The following HS6ST3 variants were observed in gnomAD, a reference collection of about 807,000 sequenced individuals.
HS6ST3 encodes the protein heparan-sulfate 6-O-sulfotransferase 3.
A neutral mutation model predicts 36.7 loss-of-function variants in HS6ST3; 12 were observed. The ratio of observed to expected loss-of-function variants is 0.33; its 90% CI spans 0.21 to 0.53. The LOEUF is 0.53. HS6ST3 is among the 20% of genes least tolerant of loss of function. HS6ST3 has a pLI of 0.95. For synonymous variants in HS6ST3, 240 were observed against 257.5 expected, an observed-to-expected ratio of 0.93 and a Z score of 0.65; for missense variants, 584 against 640.9, an observed-to-expected ratio of 0.91 and a Z score of 0.96.
chr13:96,284,589 C>T (rs543587790), intron 1 of HS6ST3, among the ~76,000 whole-genome samples: 3 of 152,278 alleles, frequency 2.0e-5, no homozygotes, highest in African/African-American at 7.2e-5. Flanking sequence ...CTGCCTTTCC[C>T]TGTCCACTGA....
chr13:96,623,588 G>A (rs1265157323), intron 1 of HS6ST3, among the ~76,000 whole-genome samples: 3 of 151,934 alleles, frequency 2.0e-5, no homozygotes, highest in Non-Finnish European at 4.4e-5. Context: ...AACCTAGGAG[G>A]TATTCAGCCC....
chr13:96,091,239 G>T lies in HS6ST3; in HGVS notation c.377G>T (p.Arg126Leu). Residue 126 changes from arginine (R) to leucine (L), a missense_variant, in exon 1 of 2, where the codon CGC becomes CTC. Coordinates refer to ENST00000376705, the MANE Select transcript of HS6ST3 (RefSeq NM_153456.4). ...GGCTCCCTGCCCCGATTCGTGCCGC[G>T]CTTCAACTTCAGCCTGAAGGACCTG... ...ENGSLPRFVP[R>L]FNFSLKDLTR... 1.9e-6 allele frequency: 3 copies of T among 1,596,848 alleles called. No homozygotes were observed. Among genetic ancestry groups the T allele is most frequent in the Non-Finnish European group, 2.6e-6 (3 of 1,171,548 alleles).
At chr13:96,632,357 C>T (rs1198734555) in intron 1 of HS6ST3, among the ~76,000 whole-genome samples, 3 of 151,646 alleles carry the variant, frequency 2.0e-5, no homozygotes, top group African/African-American at 7.3e-5. Context: ...TTTTCTGACC[C>T]ATTCTAGGGC....
intron 1 of HS6ST3, among the ~76,000 whole-genome samples, chr13:96,446,585 G>A (rs937959749): frequency 6.6e-5 from 10 of 152,174 alleles, no homozygotes; most frequent in African/African-American, 1.9e-4. Flanking sequence ...CTTGAACTGG[G>A]TGTCGCTATT....
intron 1 of HS6ST3, among the ~76,000 whole-genome samples, chr13:96,657,481 A>G (rs1037077180): frequency 7.9e-5 from 12 of 152,126 alleles, no homozygotes; most frequent in African/African-American, 2.9e-4. Flanking sequence ...AGATCATTTC[A>G]CTACACTCCA....
At chr13:96,453,420 G>A (rs957772517) in intron 1 of HS6ST3, among the ~76,000 whole-genome samples, 1 of 152,076 alleles carries the variant, frequency 6.6e-6, no homozygotes, top group Non-Finnish European at 1.5e-5. Flanking sequence ...CTATAAAAAA[G>A]GAAGATACTA....
At chr13:96,495,161 T>C (rs2055968715) in intron 1 of HS6ST3, among the ~76,000 whole-genome samples, 1 of 152,188 alleles carries the variant, frequency 6.6e-6, no homozygotes, top group Admixed American at 6.5e-5. Flanking sequence ...ACACAGCCCG[T>C]TTATAACACC....
At chr13:96,661,790 T>C (rs886380479) in intron 1 of HS6ST3, among the ~76,000 whole-genome samples, 1 of 152,188 alleles carries the variant, frequency 6.6e-6, no homozygotes, top group Non-Finnish European at 1.5e-5. Flanking sequence ...TCCGGTCTAT[T>C]GGTGATGAAT....
chr13:96,639,362 G>C (rs2056562052), intron 1 of HS6ST3, among the ~76,000 whole-genome samples: 1 of 151,660 alleles, frequency 6.6e-6, no homozygotes, highest in Non-Finnish European at 1.5e-5. Flanking sequence ...TTCTATTTTT[G>C]TTACTGTTTG....
intron 1 of HS6ST3, among the ~76,000 whole-genome samples, chr13:96,538,415 A>G (rs988426213): frequency 2.6e-5 from 4 of 152,346 alleles, no homozygotes; most frequent in African/African-American, 9.6e-5. Flanking sequence ...ATTATGATAT[A>G]TCCCAGTGAA....
At chr13:96,504,123 T>C (rs1037320415) in intron 1 of HS6ST3, among the ~76,000 whole-genome samples, 16 of 152,186 alleles carry the variant, frequency 1.1e-4, no homozygotes, top group Non-Finnish European at 2.1e-4. Flanking sequence ...TATACATTTT[T>C]TCAGGGACAC....
intron 1 of HS6ST3, among the ~76,000 whole-genome samples, chr13:96,783,167 G>A (rs1877566326): frequency 6.6e-6 from 1 of 152,164 alleles, no homozygotes; most frequent in African/African-American, 2.4e-5. Context: ...TATGGAACTG[G>A]CTGAACCCTG....
At chr13:96,150,233 T>C (rs1340101827) in intron 1 of HS6ST3, among the ~76,000 whole-genome samples, 1 of 152,064 alleles carries the variant, frequency 6.6e-6, no homozygotes, top group Non-Finnish European at 1.5e-5. Flanking sequence ...GTCTGGACTT[T>C]TTATGGGCTT....
rs1419422561 is a variant in HS6ST3 at position 96,836,062 on chromosome 13, T to TC, written c.*2866dup. On this transcript the variant is annotated 3_prime_UTR_variant, in exon 2 of 2. Coordinates refer to ENST00000376705, the MANE Select transcript of HS6ST3 (RefSeq NM_153456.4). ...ATTCTCCAAAAATGGACTGCCCACT[T>TC]CCATGCTGAGTGATGCTCAGGGAAG... 6.6e-6 allele frequency: 1 copy of TC among 152,184 alleles called. No individual in the cohort carries two copies. The highest frequency in any genetic ancestry group is 1.5e-5 in the Non-Finnish European group (1 of 68,036). 9.4% of individuals were successfully genotyped at this position (152,184 alleles called of 1,614,324 possible). A position where few individuals can be genotyped will look rare whatever the true frequency, so the allele number is the denominator to read the frequency against.
chr13:96,550,240 A>T (rs2056214637), intron 1 of HS6ST3, among the ~76,000 whole-genome samples: 1 of 151,946 alleles, frequency 6.6e-6, no homozygotes, highest in Non-Finnish European at 1.5e-5. Flanking sequence ...CCTGGTGATG[A>T]GTGAGTTCTC....
chr13:96,152,316 C>CTTTTTTT (rs766489670), intron 1 of HS6ST3, among the ~76,000 whole-genome samples: 98 of 96,900 alleles, frequency 1.0e-3, no homozygotes, highest in African/African-American at 1.5e-3. Flanking sequence ...GGCCCCTTTC[C>CTTTTTTT]TTTTTTTTTT....
At chr13:96,769,604 A>G (rs1877207339) in intron 1 of HS6ST3, among the ~76,000 whole-genome samples, 1 of 151,804 alleles carries the variant, frequency 6.6e-6, no homozygotes, top group East Asian at 1.9e-4. Flanking sequence ...ATTAATATTT[A>G]TTACTGCTCT....
At chr13:96,475,584 C>G (rs4771953) in intron 1 of HS6ST3, among the ~76,000 whole-genome samples, 1 of 148,160 alleles carries the variant, frequency 6.7e-6, no homozygotes, top group African/African-American at 2.5e-5. Context: ...CTCTGAGAAA[C>G]TAGCTGCATT....
At chr13:96,123,936 T>G (rs1024102658) in intron 1 of HS6ST3, among the ~76,000 whole-genome samples, 11 of 152,134 alleles carry the variant, frequency 7.2e-5, no homozygotes, top group Non-Finnish European at 1.5e-5. Context: ...AAGAATCCTC[T>G]TAGAAGTATT....
Sources: allele counts gnomAD v4.1 joint callset (sites outside exome capture counted in the v4.1 genomes callset), GRCh38; gene constraint gnomAD v4.1.1; transcripts MANE v1.5; gene names NCBI Gene and HGNC (gene_info 2026-07-23, HGNC 2026-07-21).